The following CLOCK variants were observed in gnomAD, a reference collection of about 807,000 sequenced individuals.
CLOCK encodes the protein clock circadian regulator.
Under a neutral mutation model 118.4 loss-of-function variants are expected in CLOCK, and 43 were observed. That is an observed-to-expected ratio of 0.36 (90% CI 0.28 to 0.47). The LOEUF is 0.47. Ranked by LOEUF, CLOCK falls within the 20% of genes least tolerant of loss-of-function variation. CLOCK has a pLI of 1.00. For synonymous variants in CLOCK, 326 were observed against 339.2 expected, an observed-to-expected ratio of 0.96 and a Z score of 0.43; for missense variants, 846 against 999.9, an observed-to-expected ratio of 0.85 and a Z score of 2.08.
At chr4:55,508,793 C>T (rs1430055084) in intron 2 of CLOCK, among the ~76,000 whole-genome samples, 1 of 152,058 alleles carries the variant, frequency 6.6e-6, no homozygotes, top group Admixed American at 6.6e-5. Flanking sequence ...GGAGTTTCAC[C>T]GTGTTAGCCA....
chr4:55,466,135 G>A (rs1012744432), intron 8 of CLOCK, among the ~76,000 whole-genome samples: 1 of 152,122 alleles, frequency 6.6e-6, no homozygotes, highest in African/African-American at 2.4e-5. Flanking sequence ...GTCATGGGAG[G>A]GGCTGAGTGG....
At chr4:55,461,939 C>A (rs1180912707) in intron 9 of CLOCK, among the ~76,000 whole-genome samples, 2 of 152,162 alleles carry the variant, frequency 1.3e-5, no homozygotes, top group Admixed American at 1.3e-4. Flanking sequence ...ACAAATTTTA[C>A]CACCTGTACA....
At chr4:55,462,491 C>T (rs1320185701) in intron 9 of CLOCK, among the ~76,000 whole-genome samples, 3 of 152,146 alleles carry the variant, frequency 2.0e-5, no homozygotes, top group African/African-American at 7.2e-5. Context: ...GTTGGCCAGG[C>T]TGGTCTCAAA....
chr4:55,448,597 CGCGCGTGTGTGTGTGTGTGTGTGTGT>C (rs1273043059), intron 18 of CLOCK, among the ~76,000 whole-genome samples, 156 bp downstream of exon 18: 1 of 72,922 alleles, frequency 1.4e-5, no homozygotes, highest in East Asian at 5.4e-4. Context: ...CGCGCGCACG[CGCGCGTGTGTGTGTGTGTGTGTGTGT>C]GTGTGTGTGT....
chr4:55,469,126 T>C (rs1325626244), intron 8 of CLOCK, among the ~76,000 whole-genome samples: 1 of 139,492 alleles, frequency 7.2e-6, no homozygotes, highest in East Asian at 2.6e-4. Flanking sequence ...ATTCTCTATT[T>C]ACATTTTTTT....
chr4:55,428,205 C>G lies in CLOCK; in HGVS notation c.*7210G>C, dbSNP rs1722315874. 1 of 152,162 alleles carries G rather than the reference C, an allele frequency of 6.6e-6. No individual in the cohort carries two copies. 9.4% of individuals were successfully genotyped at this position (152,162 alleles called of 1,614,324 possible). A position where few individuals can be genotyped will look rare whatever the true frequency, so the allele number is the denominator to read the frequency against. ...TACACGCAGTTTTAAAAGCTATGCACATCATAACCTGGAATAATGATTACA... is the reference window on the plus strand; with the variant it reads ...TACACGCAGTTTTAAAAGCTATGCAGATCATAACCTGGAATAATGATTACA... On this transcript the variant is annotated 3_prime_UTR_variant, in exon 23 of 23. Transcript: ENST00000513440.
At chr4:55,483,072 T>TTGGAGAATGTC (rs1727039478) in intron 3 of CLOCK, among the ~76,000 whole-genome samples, 1 of 152,200 alleles carries the variant, frequency 6.6e-6, no homozygotes, top group South Asian at 2.1e-4. Flanking sequence ...CTCTTTACTA[T>TTGGAGAATGTC]CAATCAAAAT....
Position 55,435,121 on chromosome 4 carries a change from G to C in CLOCK, c.*294C>G, listed in dbSNP as rs1722779019. The C allele has an allele frequency of 2.5e-6, 1 of 399,096 alleles. No homozygotes were observed. Among genetic ancestry groups the C allele is most frequent in the Non-Finnish European group, 4.8e-6 (1 of 209,536 alleles). The allele number at this position is 399,096 out of a possible 1,614,324, so 24.7% of individuals were successfully genotyped here. Reference sequence around the variant, plus strand: ...CTGATTCCCTGGAGGTCATTTCATAGCTGAGCTTCTTAATATTTGGCAATA... The same window carrying C: ...CTGATTCCCTGGAGGTCATTTCATACCTGAGCTTCTTAATATTTGGCAATA... On this transcript the variant is annotated 3_prime_UTR_variant, in exon 23 of 23. Transcript: ENST00000513440.
intron 1 of CLOCK, chr4:55,545,942 C>G (rs1400777186): frequency 1.3e-5 from 2 of 152,366 alleles, no homozygotes; most frequent in East Asian, 3.9e-4. Flanking sequence ...CGCTAATAGC[C>G]GCGCGCTGCC....
intron 1 of CLOCK, among the ~76,000 whole-genome samples, chr4:55,532,617 A>AG (rs796543652): frequency 3.3e-5 from 5 of 152,220 alleles, no homozygotes; most frequent in South Asian, 2.1e-4. Context: ...CTGTAATCCT[A>AG]GCACTTTGGG....
chr4:55,453,476 T>C, intron 14 of CLOCK: 1 of 499,938 alleles, frequency 2.0e-6, no homozygotes, highest in Non-Finnish European at 3.5e-6. Flanking sequence ...ACAAAATTTA[T>C]ATCAAGACTT....
Position 55,483,091 on chromosome 4 carries a change from C to T in CLOCK, c.-43-263G>A, listed in dbSNP as rs527487008. ...TTACTATCAATCAAAATAAAATGGA[C>T]ATTCTCAATATTCAGTATATATTTG... On this transcript the variant is annotated intron_variant, in intron 3 of 22. Transcript: ENST00000513440. 1.6e-4 allele frequency among the ~76,000 whole-genome samples: 25 copies of T among 152,216 alleles called. No individual in the cohort carries two copies. In the East Asian group the frequency reaches 4.2e-3, roughly 26 times the overall value.
intron 16 of CLOCK, 129 bp downstream of exon 16, chr4:55,449,962 G>T (rs1724272707): frequency 1.7e-6 from 2 of 1,151,774 alleles, no homozygotes; most frequent in South Asian, 1.4e-5. Context: ...CACTGGAAAG[G>T]TTACTACATT....
At chr4:55,499,241 T>C (rs980165602) in intron 2 of CLOCK, among the ~76,000 whole-genome samples, 8 of 152,220 alleles carry the variant, frequency 5.3e-5, no homozygotes, top group Non-Finnish European at 1.2e-4. Flanking sequence ...TCAAGTAATT[T>C]TGGATCATAT....
chr4:55,542,295 G>C (rs1731316952), intron 1 of CLOCK, among the ~76,000 whole-genome samples: 1 of 150,156 alleles, frequency 6.7e-6, no homozygotes. Context: ...AGTGAGCTGA[G>C]ATCACGCCAC....
chr4:55,438,479 C>T lies in CLOCK; in HGVS notation c.2164G>A (p.Ala722Thr). Reference protein sequence around the residue: ...KLVTAPVACGAVMVPSTMLMG... With the variant: ...KLVTAPVACGTVMVPSTMLMG... ...AGCATAGTACTAGGTACCATGACTG[C>T]CCCACAAGCTACAGGAGCAGTCACT... Residue 722 changes from alanine (A) to threonine (T), a missense_variant, in exon 22 of 23, where the codon GCA becomes ACA. Physicochemically the swap from Ala to Thr is moderately conservative, Grantham distance 58. Transcript: ENST00000513440. The T allele has an allele frequency of 1.2e-6, 2 of 1,613,784 alleles. No homozygotes were observed. Among genetic ancestry groups the T allele is most frequent in the Non-Finnish European group, 1.7e-6 (2 of 1,180,004 alleles).
chr4:55,474,108 C>A (rs561840296), intron 7 of CLOCK, among the ~76,000 whole-genome samples: 1 of 152,270 alleles, frequency 6.6e-6, no homozygotes, highest in South Asian at 2.1e-4. Flanking sequence ...AAAGCTAGAC[C>A]TCTTGCAACC....
intron 18 of CLOCK, among the ~76,000 whole-genome samples, chr4:55,446,098 CTTCTT>C (rs1310749032): frequency 4.9e-5 from 5 of 101,312 alleles, no homozygotes; most frequent in African/African-American, 7.1e-5. Context: ...AAAAATTTAA[CTTCTT>C]TTTTTTTTTT....
chr4:55,510,640 A>T (rs1228186669), intron 1 of CLOCK, among the ~76,000 whole-genome samples: 2 of 149,602 alleles, frequency 1.3e-5, no homozygotes, highest in African/African-American at 5.0e-5. Context: ...AAAAAAAAAA[A>T]AAAAAAAAAA....
Sources: gnomAD v4.1 joint callset for allele counts (sites outside exome capture counted in the v4.1 genomes callset) on GRCh38, gnomAD v4.1.1 for gene constraint, MANE v1.5 for transcripts, NCBI Gene and HGNC (gene_info 2026-07-23, HGNC 2026-07-21) for gene names.